GMEB2: variants seen among roughly 807,000 people sequenced by gnomAD.
GMEB2 encodes glucocorticoid modulatory element binding protein 2, also known as glucocorticoid modulatory element-binding protein 2.
GMEB2 carries 7 observed loss-of-function variants against 45.7 expected under a neutral mutation model. The ratio of observed to expected loss-of-function variants is 0.15; its 90% CI spans 0.09 to 0.29. The LOEUF (loss-of-function observed/expected upper bound fraction) is 0.29, where lower values mean the gene tolerates loss of function less well. Among genes scored for constraint, GMEB2 ranks in the 10% least tolerant of loss-of-function variants. GMEB2 has a pLI of 1.00. For missense variants in GMEB2, 582 were observed against 739.2 expected (o/e 0.79, Z 2.47); for synonymous variants, 322 against 323.6 (o/e 1.00, Z 0.05).
chr20:63,619,219 CCAACCCA>C lies in GMEB2; in HGVS notation c.131+41_131+47del. 6.6e-7 allele frequency: 1 copy of C among 1,520,428 alleles called. No individual in the cohort carries two copies. The highest frequency in any genetic ancestry group is 2.4e-5 in the East Asian group (1 of 42,142). 94.2% of individuals were successfully genotyped at this position (1,520,428 alleles called of 1,614,324 possible). On this transcript the variant is annotated intron_variant, in intron 2 of 9. Coordinates refer to ENST00000370077, the MANE Select transcript of GMEB2 (RefSeq NM_012384.5). This position sits in a 1 kb window ranked among gnomAD's most constrained non-coding sequence, Gnocchi z 4.6. Reference sequence around the variant, plus strand: ...TAATGCCAGCTGTGCCAAGGACAGCCCAACCCAAGCCCCCATCAGCCCCAATGGCACC... The same window carrying C: ...TAATGCCAGCTGTGCCAAGGACAGCCAGCCCCCATCAGCCCCAATGGCACC...
chr20:63,610,957 T>C (rs1255383411), intron 2 of GMEB2, among the ~76,000 whole-genome samples: 1 of 152,172 alleles, frequency 6.6e-6, no homozygotes, highest in Non-Finnish European at 1.5e-5. Flanking sequence ...GAGGACCACA[T>C]GCAGAGCCTC....
In GMEB2 at chr20:63,619,420, A is replaced by G; in HGVS notation, c.-23T>C. The G allele has an allele frequency of 6.2e-7, 1 of 1,605,106 alleles. No individual in the cohort carries two copies. Reference sequence around the variant, plus strand: ...CATGGCTCAGCGGAAGGGGACGCCCAGGCCAGCAGCGTCAGTCCTCCAGGG... The same window carrying G: ...CATGGCTCAGCGGAAGGGGACGCCCGGGCCAGCAGCGTCAGTCCTCCAGGG... On this transcript the variant is annotated 5_prime_UTR_variant, in exon 2 of 10. Coordinates refer to ENST00000370077, the MANE Select transcript of GMEB2 (RefSeq NM_012384.5). The surrounding 1 kb of genome is among the most constrained non-coding windows in gnomAD (Gnocchi z 4.6).
rs543809384 is a variant in GMEB2 at position 63,624,613 on chromosome 20, A to T, written c.-58+2343T>A. ...AAGAGGCAACAGCCTCACTGCAGGC[A>T]GGGGTCCTCGTCACAGCTTCAGGGC... On this transcript the variant is annotated intron_variant, in intron 1 of 9. Transcript: ENST00000370077. Among the ~76,000 whole-genome samples the T allele has an allele frequency of 2.0e-5, 3 of 152,340 alleles. No individual in the cohort carries two copies. The East Asian group carries it at 5.8e-4, about 29-fold the overall frequency.
chr20:63,593,253 T>C lies in GMEB2; in HGVS notation c.620-171A>G, dbSNP rs1357812159. Among the ~76,000 whole-genome samples, 1 of 152,134 alleles carries C rather than the reference T, an allele frequency of 6.6e-6. No homozygotes were observed. Among genetic ancestry groups the C allele is most frequent in the Non-Finnish European group, 1.5e-5 (1 of 68,006 alleles). ...GCCAAAGTGTACCTGCCTTATATTT[T>C]ATGGCTATTTTTAATCACAGACGTT... On this transcript the variant is annotated intron_variant, in intron 6 of 9. Coordinates refer to ENST00000370077, the MANE Select transcript of GMEB2 (RefSeq NM_012384.5). This position sits in a 1 kb window ranked among gnomAD's most constrained non-coding sequence, Gnocchi z 4.7.
chr20:63,610,019 C>A (rs1404185623), intron 2 of GMEB2, among the ~76,000 whole-genome samples: 1 of 152,204 alleles, frequency 6.6e-6, no homozygotes, highest in Non-Finnish European at 1.5e-5. Context: ...AGAAATTAAT[C>A]CTGCAGACAT....
chr20:63,623,816 T>G (rs1276537065), intron 1 of GMEB2, among the ~76,000 whole-genome samples: 1 of 149,420 alleles, frequency 6.7e-6, no homozygotes, highest in East Asian at 2.0e-4. Flanking sequence ...AAAGCCACTT[T>G]AAAATTTTAC....
intron 4 of GMEB2, among the ~76,000 whole-genome samples, chr20:63,598,342 T>TCACA (rs1330339811): frequency 9.7e-5 from 5 of 51,568 alleles, no homozygotes; most frequent in African/African-American, 1.4e-4. Flanking sequence ...GCTCTCACTC[T>TCACA]GACACACACA....
In GMEB2 at chr20:63,627,023, G is replaced by GGGCGGCGGC. The variant is rs908118229; in HGVS notation, c.-134_-126dup. The stretch of plus-strand genomic sequence containing the variant: ...CGGCGTCGGGAGCTGCGGCGGCGGC[G>GGGCGGCGGC]GGCGGCGGCGGCGGCCGCGGGCTTC... On this transcript the variant is annotated 5_prime_UTR_variant, in exon 1 of 10. Coordinates refer to ENST00000370077, the MANE Select transcript of GMEB2 (RefSeq NM_012384.5). 1 of 150,148 alleles carries GGGCGGCGGC rather than the reference G, an allele frequency of 6.7e-6. No individual in the cohort carries two copies. Among genetic ancestry groups the GGGCGGCGGC allele is most frequent in the African/African-American group, 2.5e-5 (1 of 40,776 alleles). The allele number at this position is 150,148 out of a possible 1,614,324, so 9.3% of individuals were successfully genotyped here.
intron 4 of GMEB2, among the ~76,000 whole-genome samples, chr20:63,599,809 T>C (rs771276373): frequency 1.3e-5 from 2 of 152,208 alleles, no homozygotes; most frequent in Non-Finnish European, 2.9e-5. Context: ...CACTGCCTGC[T>C]CCCGTCTGCC....
rs902148155 is a variant in GMEB2 at position 63,625,011 on chromosome 20, T to C, written c.-58+1945A>G. On this transcript the variant is annotated intron_variant, in intron 1 of 9. Coordinates refer to ENST00000370077, the MANE Select transcript of GMEB2 (RefSeq NM_012384.5). ...GTGAGCCACTGAGCCTGGCCTCCAA[T>C]GGCAACTATATTAAAGGTTCAAAGC... Among the ~76,000 whole-genome samples the C allele has an allele frequency of 4.6e-5, 7 of 152,124 alleles. No individual in the cohort carries two copies. In the East Asian group the frequency reaches 1.4e-3, roughly 30 times the overall value.
At chr20:63,624,519 G>T (rs1282475071) in intron 1 of GMEB2, among the ~76,000 whole-genome samples, 1 of 152,110 alleles carries the variant, frequency 6.6e-6, no homozygotes, top group Non-Finnish European at 1.5e-5. Flanking sequence ...AACTCTCACT[G>T]AGGAGACGCT....
intron 6 of GMEB2, among the ~76,000 whole-genome samples, chr20:63,594,042 G>C (rs1354737137): frequency 2.0e-5 from 3 of 152,246 alleles, no homozygotes; most frequent in African/African-American, 7.2e-5. Context: ...CAACGACCTG[G>C]AAGCAGTTGA....
In GMEB2 at chr20:63,588,509, ACT is replaced by A. The variant is rs2083114086; in HGVS notation, c.*1578_*1579del. ...ATCAACATCACGCCGAAACCAGCTGACTGTGACAACAGCAAACAAAAATGTAA... is the reference window on the plus strand; with the variant it reads ...ATCAACATCACGCCGAAACCAGCTGAGTGACAACAGCAAACAAAAATGTAA... On this transcript the variant is annotated 3_prime_UTR_variant, in exon 10 of 10. Transcript: ENST00000370077. The A allele has an allele frequency of 1.0e-5, 4 of 382,372 alleles. No individual in the cohort carries two copies. In the Admixed American group the frequency reaches 1.8e-4, roughly 17 times the overall value. 23.7% of individuals were successfully genotyped at this position (382,372 alleles called of 1,614,324 possible).
intron 1 of GMEB2, among the ~76,000 whole-genome samples, chr20:63,626,105 C>A (rs1235771338): frequency 3.3e-5 from 5 of 152,014 alleles, no homozygotes; most frequent in African/African-American, 1.2e-4. Context: ...CAGCTCCGAC[C>A]AACAGGGTCC....
chr20:63,597,125 A>G (rs148109616), intron 5 of GMEB2, among the ~76,000 whole-genome samples: 191 of 151,506 alleles, frequency 1.3e-3, no homozygotes, highest in African/African-American at 4.4e-3. Context: ...TTCAGAATGC[A>G]TAATTGGAAC....
At chr20:63,621,004 A>T (rs1336685795) in intron 1 of GMEB2, among the ~76,000 whole-genome samples, 1 of 152,220 alleles carries the variant, frequency 6.6e-6, no homozygotes, top group East Asian at 1.9e-4. Flanking sequence ...TTGGTATAGA[A>T]ACAGGAGTTA....
chr20:63,612,604 T>C (rs933717761), intron 2 of GMEB2, among the ~76,000 whole-genome samples: 1 of 152,188 alleles, frequency 6.6e-6, no homozygotes, highest in Admixed American at 6.5e-5. Context: ...AACCAGCACT[T>C]GGTGATGTCG....
At chr20:63,594,153 T>A (rs2146048365) in intron 6 of GMEB2, among the ~76,000 whole-genome samples, 1 of 152,292 alleles carries the variant, frequency 6.6e-6, no homozygotes, top group East Asian at 1.9e-4. Flanking sequence ...CGTGAATGAG[T>A]CGTTTTTCCG....
intron 5 of GMEB2, 26 bp from the exon 6 acceptor site, chr20:63,595,793 T>C (rs763556778): frequency 3.6e-5 from 58 of 1,610,678 alleles, no homozygotes; most frequent in Non-Finnish European, 4.8e-5. Flanking sequence ...GCATGGAGCG[T>C]CCAGGTCGGC....
Sources: allele counts gnomAD v4.1 joint callset (sites outside exome capture counted in the v4.1 genomes callset), GRCh38; gene constraint gnomAD v4.1.1; non-coding constraint Gnocchi (gnomAD v3.1); transcripts MANE v1.5; gene names NCBI Gene and HGNC (gene_info 2026-07-23, HGNC 2026-07-21).